CELF2: variants seen among roughly 807,000 people sequenced by gnomAD.
CELF2 encodes the protein CUG triplet repeat RNA-binding protein 2.
A neutral mutation model predicts 62.6 loss-of-function variants in CELF2; 8 were observed. The observed-to-expected ratio is 0.13, with a 90% CI of 0.07 to 0.23. The LOEUF (loss-of-function observed/expected upper bound fraction) is 0.23, where lower values mean the gene tolerates loss of function less well. Among genes scored for constraint, CELF2 ranks in the 10% least tolerant of loss-of-function variants. CELF2 has a pLI of 1.00. For missense variants in CELF2, 333 were observed against 671.0 expected, an observed-to-expected ratio of 0.50 and a Z score of 5.56; for synonymous variants, 258 against 250.0, an observed-to-expected ratio of 1.03 and a Z score of -0.30.
intron 1 of CELF2, among the ~76,000 whole-genome samples, chr10:11,109,760 C>G (rs572453522): frequency 6.6e-6 from 1 of 152,302 alleles, no homozygotes; most frequent in African/African-American, 2.4e-5. Flanking sequence ...GTTGAGGAAG[C>G]AACGCTTGTG....
chr10:10,651,630 G>C, the CELF2 span, among the ~76,000 whole-genome samples: 38 of 147,954 alleles, frequency 2.6e-4, no homozygotes, highest in African/African-American at 9.0e-4. Context: ...TCACACGGCA[G>C]GGTATTCCAA....
the CELF2 span, among the ~76,000 whole-genome samples, chr10:10,640,444 C>A: frequency 8.5e-5 from 13 of 152,198 alleles, no homozygotes; most frequent in African/African-American, 3.1e-4. Flanking sequence ...TCCTTGTGAG[C>A]CTTCTCCAAT....
chr10:10,976,365 A>G (rs73579431), intron 2 of CELF2, among the ~76,000 whole-genome samples: 1,574 of 152,290 alleles, frequency 0.01, 31 homozygotes, highest in African/African-American at 0.035. Flanking sequence ...TTTTGACTGC[A>G]TCAAATGCCT....
At chr10:11,105,845 TC>T (rs1317910974) in intron 1 of CELF2, among the ~76,000 whole-genome samples, 1 of 152,152 alleles carries the variant, frequency 6.6e-6, no homozygotes, top group Non-Finnish European at 1.5e-5. Flanking sequence ...TCTCCACTAC[TC>T]CCTGGAATAC....
At chr10:11,197,067 A>AAAGAAAG (rs1565234225) in intron 2 of CELF2, among the ~76,000 whole-genome samples, 1 of 101,284 alleles carries the variant, frequency 9.9e-6, no homozygotes, top group African/African-American at 4.4e-5. Flanking sequence ...GAAAAGAAAG[A>AAAGAAAG]AAGGAAAGAA....
At chr10:11,219,842 G>A (rs997438884) in intron 3 of CELF2, among the ~76,000 whole-genome samples, 1 of 152,198 alleles carries the variant, frequency 6.6e-6, no homozygotes, top group Non-Finnish European at 1.5e-5. Context: ...CTTGAAATTA[G>A]TCAACATTTC....
the CELF2 span, among the ~76,000 whole-genome samples, chr10:10,730,212 C>T: frequency 6.6e-6 from 1 of 152,120 alleles, no homozygotes; most frequent in Non-Finnish European, 1.5e-5. Context: ...CACAGTGGCT[C>T]ACACCTGTAG....
At chr10:11,047,430 G>C (rs958874093) in intron 1 of CELF2, among the ~76,000 whole-genome samples, 1 of 152,220 alleles carries the variant, frequency 6.6e-6, no homozygotes, top group African/African-American at 2.4e-5. Flanking sequence ...ATTCAGGGCT[G>C]TCAGGATCTT....
chr10:10,665,815 G>T, the CELF2 span, among the ~76,000 whole-genome samples: 1 of 152,140 alleles, frequency 6.6e-6, no homozygotes, highest in African/African-American at 2.4e-5. Context: ...GGTCCACAAA[G>T]AACTCATTTG....
rs1460605620 is a variant in CELF2 at position 10,978,039 on chromosome 10, TTG to T, written c.89+58042_89+58043del. ...TTGGGTTTGGGTTTTTTTTTGTTTT[TTG>T]TTTTTTTTTTTCCAGAGAAAGATGG... On this transcript the variant is annotated intron_variant, in intron 2 of 13. Coordinates refer to the CELF2 transcript ENST00000636488. 3.0e-4 allele frequency among the ~76,000 whole-genome samples: 44 copies of T among 148,908 alleles called. 2 individuals carry two copies. The highest frequency in any genetic ancestry group is 9.9e-4 in the African/African-American group (39 of 39,508).
the CELF2 span, among the ~76,000 whole-genome samples, chr10:10,780,182 A>G: frequency 6.6e-6 from 1 of 152,178 alleles, no homozygotes; most frequent in Non-Finnish European, 1.5e-5. Flanking sequence ...TGGACATCTG[A>G]TGTTATTCAA....
chr10:10,545,171 T>C, the CELF2 span, among the ~76,000 whole-genome samples: 3 of 152,226 alleles, frequency 2.0e-5, no homozygotes, highest in African/African-American at 7.2e-5. Context: ...TTTCTATTTT[T>C]AACGTAAAGA....
chr10:10,704,197 G>A, the CELF2 span, among the ~76,000 whole-genome samples: 2 of 152,138 alleles, frequency 1.3e-5, no homozygotes, highest in Non-Finnish European at 2.9e-5. Flanking sequence ...TGAAACAAGC[G>A]ACAGTACACT....
the CELF2 span, among the ~76,000 whole-genome samples, chr10:10,559,641 A>T: frequency 4.6e-5 from 7 of 152,212 alleles, no homozygotes; most frequent in Admixed American, 4.6e-4. Flanking sequence ...GAAAGACATT[A>T]TTATTTGGAA....
intron 1 of CELF2, among the ~76,000 whole-genome samples, chr10:11,028,316 G>A (rs771430707): frequency 6.6e-5 from 10 of 152,130 alleles, no homozygotes; most frequent in Non-Finnish European, 1.2e-4. Context: ...CTTATGGGAA[G>A]AGAATCAGCC....
chr10:11,057,910 C>G (rs780576888), intron 1 of CELF2, among the ~76,000 whole-genome samples: 1 of 152,124 alleles, frequency 6.6e-6, no homozygotes, highest in Non-Finnish European at 1.5e-5. Flanking sequence ...AAGAGAAGTT[C>G]TACTTTCTAC....
chr10:10,773,851 T>A, the CELF2 span, among the ~76,000 whole-genome samples: 1 of 152,196 alleles, frequency 6.6e-6, no homozygotes, highest in African/African-American at 2.4e-5. Context: ...TCCTTTTAAT[T>A]TGCTAAGCAA....
rs538134138 is a variant in CELF2, at chr10:11,123,846, C to T, written c.75-41640C>T. Among the ~76,000 whole-genome samples the T allele has an allele frequency of 2.0e-5, 3 of 152,280 alleles. No homozygotes were observed. The East Asian group carries it at 5.8e-4, about 29-fold the overall frequency. ...AGACCTGTACCTTTTGTTTTTCTTA[C>T]AGTCTCTTCTTTCTTATGTCCCTGT... On this transcript the variant is annotated intron_variant, in intron 1 of 12. Transcript: ENST00000633077.
At chr10:10,892,844 G>A (rs571241101) in intron 1 of CELF2, among the ~76,000 whole-genome samples, 3 of 152,328 alleles carry the variant, frequency 2.0e-5, no homozygotes, top group East Asian at 3.9e-4. Context: ...GATGATTTTT[G>A]TTGTTATTGT....
Sources: allele counts gnomAD v4.1 joint callset (sites outside exome capture counted in the v4.1 genomes callset), GRCh38; gene constraint gnomAD v4.1.1; transcripts MANE v1.5; gene names NCBI Gene and HGNC (gene_info 2026-07-23, HGNC 2026-07-21).